Variants in MGAM2 observed in about 807,000 individuals in gnomAD.
MGAM2 encodes the protein maltase-glucoamylase 2 (putative).
MGAM2 carries 98 observed loss-of-function variants against 96.1 expected under a neutral mutation model. The observed-to-expected ratio is 1.02, with a 90% CI of 0.87 to 1.21. MGAM2 has a LOEUF of 1.21. MGAM2 is among the 50% of genes most tolerant of loss of function. The pLI is 0.00. For synonymous variants in MGAM2, 749 were observed against 414.8 expected, an observed-to-expected ratio of 1.81 and a Z score of -9.79; for missense variants, 2,055 against 1,182.4, an observed-to-expected ratio of 1.74 and a Z score of -10.82.
intron 27 of MGAM2, among the ~76,000 whole-genome samples, chr7:142,170,639 T>C (rs1327339779): frequency 1.3e-5 from 2 of 152,190 alleles, no homozygotes; most frequent in African/African-American, 4.8e-5. Flanking sequence ...CGTTTGCTTC[T>C]GTGGACACAG....
At position 142,221,534 on chromosome 7, in the gene MGAM2, T is replaced by A. The variant is rs1359840685; in HGVS notation, c.7023T>A (p.Ile2341=). The part of the protein sequence containing the change: ...NFTTPTNANT[I]IFNTLDTKST... ...CTACCCCTACAAATGCAAACACCAT[T>A]ATTTTCAACACTCTTGATACAAAAA... The change falls in exon 48 of 48, where the codon ATT becomes ATA. Residue 2341 remains isoleucine (I), a synonymous_variant. Transcript: ENST00000477922. 1.8e-6 allele frequency: 1 copy of A among 541,664 alleles called. No individual in the cohort carries two copies. The highest frequency in any genetic ancestry group is 3.1e-5 in the South Asian group (1 of 32,648). The allele number at this position is 541,664 out of a possible 1,614,324, so 33.6% of individuals were successfully genotyped here. A position where few individuals can be genotyped will look rare whatever the true frequency, so the allele number is the denominator to read the frequency against.
intron 17 of MGAM2, among the ~76,000 whole-genome samples, chr7:142,157,104 T>A (rs1295965889): frequency 2.6e-5 from 4 of 152,028 alleles, no homozygotes. Context: ...ACATTACAGA[T>A]AAAACTGGAC....
At chr7:142,179,237 C>T (rs1206401048) in intron 32 of MGAM2, among the ~76,000 whole-genome samples, 2 of 152,104 alleles carry the variant, frequency 1.3e-5, no homozygotes, top group Non-Finnish European at 2.9e-5. Context: ...AGTTGTTTAT[C>T]GGTTCTAGGA....
chr7:142,152,210 T>C (rs1795603519), intron 15 of MGAM2, among the ~76,000 whole-genome samples: 1 of 151,896 alleles, frequency 6.6e-6, no homozygotes, highest in Non-Finnish European at 1.5e-5. Flanking sequence ...TAATCTGTTT[T>C]ACCACAGTAC....
intron 45 of MGAM2, among the ~76,000 whole-genome samples, chr7:142,202,161 C>T (rs969840860): frequency 4.6e-5 from 7 of 152,178 alleles, no homozygotes; most frequent in Admixed American, 3.3e-4. Context: ...ACAGTAGTTG[C>T]CAGATCCTGG....
In MGAM2 at chr7:142,172,770, A is replaced by G; in HGVS notation, c.3561+6A>G. ...TAACTCAGCAATACACAGAGGTTAG[A>G]AGCCATTCTGTCCATCAATATATTG... On this transcript the variant is annotated splice_donor_region_variant and intron_variant, in intron 30 of 47. Coordinates refer to ENST00000477922, the MANE Select transcript of MGAM2 (RefSeq NM_001293626.2). 1.4e-6 allele frequency: 1 copy of G among 696,670 alleles called. No homozygotes were observed. The highest frequency in any genetic ancestry group is 2.6e-6 in the Non-Finnish European group (1 of 383,122). 43.2% of individuals were successfully genotyped at this position (696,670 alleles called of 1,614,324 possible). A position where few individuals can be genotyped will look rare whatever the true frequency, so the allele number is the denominator to read the frequency against.
In MGAM2 at chr7:142,197,841, CT is replaced by C. The variant is rs1347941483; in HGVS notation, c.4866+116del. On this transcript the variant is annotated intron_variant, in intron 42 of 47. Coordinates refer to ENST00000477922, the MANE Select transcript of MGAM2 (RefSeq NM_001293626.2). ...CAGCTCACTATTTTCAGGCGAATGC[CT>C]TTCTAGAACATCTACAGGAGATCTT... The C allele has an allele frequency of 2.4e-5, 16 of 667,172 alleles. No individual in the cohort carries two copies. The Admixed American group carries it at 3.6e-4, about 15-fold the overall frequency. The allele number at this position is 667,172 out of a possible 1,614,324, so 41.3% of individuals were successfully genotyped here.
chr7:142,153,010 G>C (rs1393371877), intron 15 of MGAM2, among the ~76,000 whole-genome samples: 6 of 31,688 alleles, frequency 1.9e-4, no homozygotes, highest in African/African-American at 6.5e-4. Context: ...TTTTTTTTTT[G>C]TCTGAGACAG....
intron 46 of MGAM2, among the ~76,000 whole-genome samples, chr7:142,210,450 C>T (rs549007799): frequency 7.6e-4 from 116 of 152,276 alleles, no homozygotes; most frequent in Middle Eastern, 3.4e-3. Context: ...TTGAAATACT[C>T]GCCGCCAGCA....
intron 15 of MGAM2, among the ~76,000 whole-genome samples, chr7:142,151,025 C>A (rs543806699): frequency 6.6e-6 from 1 of 152,334 alleles, no homozygotes; most frequent in Non-Finnish European, 1.5e-5. Flanking sequence ...AAGATTATTT[C>A]CCATTTTCTG....
chr7:142,187,688 T>G (rs1796741268), intron 35 of MGAM2, 62 bp from the exon 36 acceptor site: 5 of 689,946 alleles, frequency 7.2e-6, no homozygotes, highest in Non-Finnish European at 1.3e-5. Flanking sequence ...GTTAGTGTCC[T>G]CTATAGCCAA....
At chr7:142,216,559 G>A (rs1277234953) in intron 46 of MGAM2, among the ~76,000 whole-genome samples, 1 of 152,138 alleles carries the variant, frequency 6.6e-6, no homozygotes, top group Non-Finnish European at 1.5e-5. Context: ...AGCTTGTGGG[G>A]GTGGGAGATG....
At chr7:142,211,194 C>T (rs1797572335) in intron 46 of MGAM2, among the ~76,000 whole-genome samples, 1 of 152,210 alleles carries the variant, frequency 6.6e-6, no homozygotes, top group Non-Finnish European at 1.5e-5. Context: ...AGGTCACCAA[C>T]AGCAAAGACC....
intron 46 of MGAM2, among the ~76,000 whole-genome samples, chr7:142,211,579 A>G (rs770670622): frequency 6.6e-6 from 1 of 152,232 alleles, no homozygotes; most frequent in Non-Finnish European, 1.5e-5. Flanking sequence ...ATCAAGCAAA[A>G]GAAAGGATAT....
chr7:142,190,861 G>A (rs912242425), intron 37 of MGAM2, among the ~76,000 whole-genome samples: 6 of 151,890 alleles, frequency 4.0e-5, no homozygotes, highest in Non-Finnish European at 5.9e-5. Flanking sequence ...GTGGCCAGGC[G>A]TGGTGGCTCA....
intron 32 of MGAM2, among the ~76,000 whole-genome samples, chr7:142,182,751 T>A (rs1366005351): frequency 6.6e-6 from 1 of 152,178 alleles, no homozygotes; most frequent in African/African-American, 2.4e-5. Flanking sequence ...CTATGTGGGA[T>A]TTCCAGCTTT....
intron 1 of MGAM2, among the ~76,000 whole-genome samples, chr7:142,113,450 G>A (rs1222113852): frequency 6.6e-6 from 1 of 152,118 alleles, no homozygotes; most frequent in Non-Finnish European, 1.5e-5. Flanking sequence ...CAAAGATACC[G>A]GGAAAGTAGT....
In MGAM2 at chr7:142,160,197, C is replaced by G; in HGVS notation, c.2284C>G (p.Leu762Val). 1 of 702,726 alleles carries G rather than the reference C, an allele frequency of 1.4e-6. No homozygotes were observed. Among genetic ancestry groups the G allele is most frequent in the Non-Finnish European group, 2.6e-6 (1 of 384,850 alleles). 43.5% of individuals were successfully genotyped at this position (702,726 alleles called of 1,614,324 possible). ...GCTTCTCCCAGGTGACAAGATAGGA[C>G]TTCATCTGCGAGGGGGCTACATATT... Reference protein sequence around the residue: ...NMLLPGDKIGLHLRGGYIFPT... With the variant: ...NMLLPGDKIGVHLRGGYIFPT... Residue 762 changes from leucine to valine, a missense_variant, in exon 21 of 48, where the codon CTT becomes GTT. Coordinates refer to ENST00000477922, the MANE Select transcript of MGAM2 (RefSeq NM_001293626.2).
intron 3 of MGAM2, among the ~76,000 whole-genome samples, chr7:142,128,912 G>A (rs1563249839): frequency 7.2e-6 from 1 of 139,612 alleles, no homozygotes; most frequent in Non-Finnish European, 1.6e-5. Flanking sequence ...GGAGAAGAGG[G>A]CCACTGTCCT....
Sources: gnomAD v4.1 joint callset for allele counts (sites outside exome capture counted in the v4.1 genomes callset) on GRCh38, gnomAD v4.1.1 for gene constraint, MANE v1.5 for transcripts, NCBI Gene and HGNC (gene_info 2026-07-23, HGNC 2026-07-21) for gene names.